ZPLD1: variants seen among roughly 807,000 people sequenced by gnomAD.
The protein encoded by ZPLD1 is zona pellucida-like domain-containing protein 1.
A neutral mutation model predicts 47.2 loss-of-function variants in ZPLD1; 34 were observed. The observed-to-expected ratio is 0.72, with a 90% CI of 0.55 to 0.96. ZPLD1 has a LOEUF of 0.96. ZPLD1 is among the 40% of genes least tolerant of loss of function. ZPLD1 has a pLI of 0.00. For synonymous variants in ZPLD1, 176 were observed against 186.2 expected, an observed-to-expected ratio of 0.95 and a Z score of 0.45; for missense variants, 512 against 505.8, an observed-to-expected ratio of 1.01 and a Z score of -0.12.
chr3:102,403,783 G>A (rs1706651160), intron 7 of ZPLD1, among the ~76,000 whole-genome samples: 1 of 151,954 alleles, frequency 6.6e-6, no homozygotes, highest in African/African-American at 2.4e-5. Context: ...ATTGGAGGAT[G>A]TGAGTAACAG....
intron 6 of ZPLD1, 138 bp from the exon 7 acceptor site, chr3:102,462,143 C>T (rs944300910): frequency 3.4e-5 from 18 of 526,288 alleles, no homozygotes; most frequent in South Asian, 1.9e-4. Context: ...CAGAGGGTCA[C>T]GTAAATCCTT....
intron 7 of ZPLD1, among the ~76,000 whole-genome samples, chr3:102,414,772 A>G (rs1325312757): frequency 6.6e-6 from 1 of 151,934 alleles, no homozygotes; most frequent in South Asian, 2.1e-4. Flanking sequence ...AAAATACCCA[A>G]AAAAAACAAA....
At chr3:102,403,287 G>T (rs1420156019) in intron 7 of ZPLD1, among the ~76,000 whole-genome samples, 2 of 151,976 alleles carry the variant, frequency 1.3e-5, no homozygotes, top group Non-Finnish European at 2.9e-5. Context: ...CTTAGGCATG[G>T]TGGTTAGGTT....
chr3:102,438,587 T>C lies in ZPLD1; in HGVS notation c.100T>C (p.Phe34Leu). The change falls in exon 3 of 12, where the codon TTT becomes CTT. Residue 34 changes from phenylalanine (F) to leucine (L), a missense_variant. Transcript: ENST00000466937. ...YNCDANLHSRFPAERDISVYC... is the reference protein window; with the variant it reads ...YNCDANLHSRLPAERDISVYC... ...CTGTGATGCCAACCTCCACAGTAGA[T>C]TTCCTGGTAAGTGTAAGCCTAATCT... The C allele has an allele frequency of 6.2e-7, 1 of 1,610,964 alleles. No homozygotes were observed. The highest frequency in any genetic ancestry group is 1.1e-5 in the South Asian group (1 of 91,002).
At chr3:102,402,615 C>A (rs1706634657) in intron 7 of ZPLD1, among the ~76,000 whole-genome samples, 1 of 151,958 alleles carries the variant, frequency 6.6e-6, no homozygotes, top group Admixed American at 6.6e-5. Flanking sequence ...ACATTGCAGG[C>A]CTAAAAATCC....
At chr3:102,438,996 C>T (rs1442150409) in intron 3 of ZPLD1, among the ~76,000 whole-genome samples, 2 of 152,104 alleles carry the variant, frequency 1.3e-5, no homozygotes, top group Admixed American at 1.3e-4. Flanking sequence ...CAAAAAAATG[C>T]TATTTCAATG....
intron 6 of ZPLD1, 58 bp downstream of exon 6, chr3:102,457,911 T>C (rs764753989): frequency 9.9e-6 from 15 of 1,515,018 alleles, no homozygotes; most frequent in Non-Finnish European, 4.6e-6. Flanking sequence ...GAGTCATTTA[T>C]GTGAATGGCT....
chr3:102,470,595 C>A, intron 10 of ZPLD1, 93 bp downstream of exon 10: 1 of 913,552 alleles, frequency 1.1e-6, no homozygotes, highest in Non-Finnish European at 1.7e-6. Flanking sequence ...GGTTCCTAAA[C>A]AGCACTAATT....
intron 4 of ZPLD1, 43 bp downstream of exon 4, chr3:102,453,182 A>G: frequency 6.5e-7 from 1 of 1,536,712 alleles, no homozygotes. Context: ...GGGGTCATAA[A>G]TAAAAATCTC....
Position 102,462,372 on chromosome 3 carries a change from A to T in ZPLD1, c.674A>T (p.Asp225Val). ...GCAGCTGTCCAAGCCACTAATTTGG[A>T]TGGCAGGTAATTTCAAACTCTTGTC... ...VFAAVQATNLDGRWNVLMDYC... is the reference protein window; with the variant it reads ...VFAAVQATNLVGRWNVLMDYC... The change falls in exon 7 of 12, where the codon GAT (aspartate) becomes GTT (valine). Residue 225 changes from aspartate (D) to valine (V), a missense_variant. Physicochemically the swap from Asp to Val is radical, Grantham distance 152. Transcript: ENST00000466937. The T allele has an allele frequency of 1.9e-6, 3 of 1,605,920 alleles. No individual in the cohort carries two copies. Among genetic ancestry groups the T allele is most frequent in the Non-Finnish European group, 2.6e-6 (3 of 1,175,596 alleles).
intron 3 of ZPLD1, among the ~76,000 whole-genome samples, chr3:102,444,213 T>C (rs781742513): frequency 1.3e-5 from 2 of 152,216 alleles, no homozygotes; most frequent in Non-Finnish European, 2.9e-5. Context: ...TTCCAAAGAA[T>C]GTGGAGCAGC....
chr3:102,448,872 A>T (rs1707296239), intron 3 of ZPLD1, among the ~76,000 whole-genome samples: 1 of 152,236 alleles, frequency 6.6e-6, no homozygotes, highest in African/African-American at 2.4e-5. Context: ...ATTAATAGGT[A>T]TTCACTTTGG....
intron 7 of ZPLD1, among the ~76,000 whole-genome samples, chr3:102,400,625 A>G (rs1706609181): frequency 6.6e-6 from 1 of 151,896 alleles, no homozygotes; most frequent in South Asian, 2.1e-4. Context: ...TGACTGCACT[A>G]TTTACTTGGT....
intron 6 of ZPLD1, among the ~76,000 whole-genome samples, chr3:102,460,810 G>T (rs1707495114): frequency 6.6e-6 from 1 of 151,816 alleles, no homozygotes; most frequent in Admixed American, 6.6e-5. Flanking sequence ...ATATAATGTT[G>T]TAAAGAAAGT....
chr3:102,456,430 C>A, intron 5 of ZPLD1, 56 bp downstream of exon 5: 1 of 1,495,156 alleles, frequency 6.7e-7, no homozygotes, highest in Non-Finnish European at 9.2e-7. Context: ...TCAGGCATTT[C>A]GTATCTTTCA....
intron 3 of ZPLD1, among the ~76,000 whole-genome samples, chr3:102,439,816 C>A (rs899825367): frequency 6.6e-6 from 1 of 152,292 alleles, no homozygotes; most frequent in South Asian, 2.1e-4. Flanking sequence ...ATAAGCCCAA[C>A]AGTAATTTCT....
chr3:102,421,961 T>C (rs1227558008), intron 8 of ZPLD1, among the ~76,000 whole-genome samples: 1 of 151,980 alleles, frequency 6.6e-6, no homozygotes, highest in Non-Finnish European at 1.5e-5. Context: ...TTATTTCTAG[T>C]GATGGATAGA....
intron 8 of ZPLD1, among the ~76,000 whole-genome samples, chr3:102,425,475 C>T (rs1239746386): frequency 6.6e-6 from 1 of 152,052 alleles, no homozygotes. Context: ...ATAATACATC[C>T]TTCTGCTCAC....
At chr3:102,436,102 A>G (rs1257708009) in intron 1 of ZPLD1, among the ~76,000 whole-genome samples, 1 of 152,218 alleles carries the variant, frequency 6.6e-6, no homozygotes, top group Non-Finnish European at 1.5e-5. Flanking sequence ...ATTAATCACT[A>G]TGAAAGTGCT....
Sources: allele counts gnomAD v4.1 joint callset (sites outside exome capture counted in the v4.1 genomes callset), GRCh38; gene constraint gnomAD v4.1.1; transcripts MANE v1.5; gene names NCBI Gene and HGNC (gene_info 2026-07-23, HGNC 2026-07-21).